The following DAB2IP variants were observed in gnomAD, a reference collection of about 807,000 sequenced individuals.
DAB2IP encodes DAB2 interacting protein.
DAB2IP carries 28 observed loss-of-function variants against 107.2 expected under a neutral mutation model. The ratio of observed to expected loss-of-function variants is 0.26; its 90% CI spans 0.19 to 0.36. The LOEUF is 0.36. DAB2IP is among the 10% of genes least tolerant of loss of function. The probability of loss-of-function intolerance (pLI) is 1.00; values close to 1 mark genes in which losing one functional copy is unlikely to be tolerated. For missense variants in DAB2IP, 1,400 were observed against 1,644.7 expected (o/e 0.85, Z 2.57); for synonymous variants, 755 against 706.4 (o/e 1.07, Z -1.09).
chr9:121,592,678 G>T (rs765229546), intron 1 of DAB2IP, among the ~76,000 whole-genome samples: 12 of 152,314 alleles, frequency 7.9e-5, no homozygotes, highest in Middle Eastern at 3.4e-3. Flanking sequence ...TAAGCAATTT[G>T]CTATCCTGTG....
At position 121,642,613 on chromosome 9, in the gene DAB2IP, A is replaced by G. The variant is rs577718847; in HGVS notation, c.41-36065A>G. On this transcript the variant is annotated intron_variant, in intron 1 of 16. Coordinates refer to the DAB2IP transcript ENST00000259371. Reference sequence around the variant, plus strand: ...GTGCTGGAACCACAGCTTCTTTTCTATTAAAAAAAAAAAAAAAAAAAAGAA... The same window carrying G: ...GTGCTGGAACCACAGCTTCTTTTCTGTTAAAAAAAAAAAAAAAAAAAAGAA... 2.7e-4 allele frequency among the ~76,000 whole-genome samples: 25 copies of G among 93,222 alleles called. No homozygotes were observed. In the East Asian group the frequency reaches 6.4e-3, roughly 24 times the overall value. The allele number at this position is 93,222 out of a possible 152,430, so 61.2% of individuals were successfully genotyped here. A position where few individuals can be genotyped will look rare whatever the true frequency, so the allele number is the denominator to read the frequency against.
At chr9:121,636,602 A>C (rs764080987) in intron 1 of DAB2IP, among the ~76,000 whole-genome samples, 23 of 152,122 alleles carry the variant, frequency 1.5e-4, no homozygotes, top group Non-Finnish European at 2.9e-4. Context: ...GTTTCTCCCA[A>C]GTCTGGGCAG....
In DAB2IP at chr9:121,782,692, T is replaced by A; in HGVS notation, c.*194T>A. The A allele has an allele frequency of 7.0e-7, 1 of 1,421,864 alleles. No individual in the cohort carries two copies. The highest frequency in any genetic ancestry group is 9.2e-7 in the Non-Finnish European group (1 of 1,091,270). 88.1% of individuals were successfully genotyped at this position (1,421,864 alleles called of 1,614,324 possible). On this transcript the variant is annotated 3_prime_UTR_variant, in exon 16 of 16. Coordinates refer to ENST00000408936, the Ensembl canonical transcript of DAB2IP. The surrounding 1 kb of genome is among the most constrained non-coding windows in gnomAD (Gnocchi z 6.1). The stretch of plus-strand genomic sequence containing the variant: ...GAGACTGAAGCAGCGTGAGGCGAGG[T>A]CACCAGCCGCTCCCTGTGGGGTGCG...
At chr9:121,779,724 G>A (rs1405642779) in intron 14 of DAB2IP, among the ~76,000 whole-genome samples, 3 of 152,156 alleles carry the variant, frequency 2.0e-5, no homozygotes, top group Admixed American at 1.3e-4. Context: ...CGATTGTTTC[G>A]TGTTCTCCTT....
chr9:121,725,779 G>A (rs949176443), intron 3 of DAB2IP, among the ~76,000 whole-genome samples: 8 of 152,108 alleles, frequency 5.3e-5, no homozygotes, highest in African/African-American at 1.9e-4. Flanking sequence ...GGCACGGGGC[G>A]GCTATGTGTT....
intron 1 of DAB2IP, among the ~76,000 whole-genome samples, chr9:121,568,525 G>A (rs1829859713): frequency 6.6e-6 from 1 of 152,196 alleles, no homozygotes; most frequent in Admixed American, 6.5e-5. Flanking sequence ...AAAATAGGGA[G>A]AGCAGCCCTT....
At chr9:121,696,012 G>A (rs940330181) in intron 2 of DAB2IP, among the ~76,000 whole-genome samples, 2 of 152,136 alleles carry the variant, frequency 1.3e-5, no homozygotes, top group Non-Finnish European at 2.9e-5. Context: ...GGGATTACAG[G>A]CTCGTGCCAC....
At chr9:121,781,473 C>T (rs771301898) in exon 15 of DAB2IP, 141 of 1,613,800 alleles carry the variant, frequency 8.7e-5, no homozygotes, top group Middle Eastern at 3.3e-4. Flanking sequence ...GGTTGATGTC[C>T]GTGGAGGAAG....
rs1216772102 is a variant in DAB2IP at position 121,763,666 on chromosome 9, C to T, written c.1315+17C>T. 2.5e-6 allele frequency: 4 copies of T among 1,612,102 alleles called. No homozygotes were observed. Among genetic ancestry groups the T allele is most frequent in the Non-Finnish European group, 3.4e-6 (4 of 1,179,044 alleles). On this transcript the variant is annotated intron_variant, in intron 7 of 15. Coordinates refer to ENST00000408936, the Ensembl canonical transcript of DAB2IP. ...ACGCCCTAGGTAGGGAGTGGGCCAG[C>T]AGCAGGGCAGAGGGTGGGGCAGGGC... is the stretch of plus-strand genomic sequence containing the variant.
At position 121,698,630 on chromosome 9, in the gene DAB2IP, C is replaced by T. The variant is rs1829553861; in HGVS notation, c.229-695C>T. Among the ~76,000 whole-genome samples, 1 of 152,192 alleles carries T rather than the reference C, an allele frequency of 6.6e-6. No individual in the cohort carries two copies. Among genetic ancestry groups the T allele is most frequent in the Non-Finnish European group, 1.5e-5 (1 of 68,028 alleles). ...GTTGTCCTTGCTGGGGTACATACAA[C>T]GGTTCCGGGGAGGGGCCCCACCCTG... On this transcript the variant is annotated intron_variant, in intron 2 of 15. Coordinates refer to ENST00000408936, the Ensembl canonical transcript of DAB2IP. The surrounding 1 kb of genome is among the most constrained non-coding windows in gnomAD (Gnocchi z 4.1).
chr9:121,763,603 G>A (rs760308193), exon 7 of DAB2IP: 3 of 1,613,740 alleles, frequency 1.9e-6, no homozygotes, highest in Admixed American at 1.7e-5. Flanking sequence ...AGGCCATTGA[G>A]GAGTACCTCA....
intron 1 of DAB2IP, among the ~76,000 whole-genome samples, chr9:121,582,463 A>T (rs146540749): frequency 1.3e-5 from 2 of 151,614 alleles, no homozygotes; most frequent in East Asian, 3.9e-4. Context: ...CTGTCTCCTC[A>T]CTCCCAACTG....
intron 5 of DAB2IP, among the ~76,000 whole-genome samples, chr9:121,759,566 G>A (rs1364392219): frequency 2.0e-5 from 3 of 152,230 alleles, no homozygotes; most frequent in Non-Finnish European, 2.9e-5. Flanking sequence ...AGCCTGTGAC[G>A]TGTCAGGCGT....
At chr9:121,695,106 T>A (rs1413978988) in intron 2 of DAB2IP, among the ~76,000 whole-genome samples, 3 of 151,914 alleles carry the variant, frequency 2.0e-5, no homozygotes, top group African/African-American at 7.3e-5. Flanking sequence ...ACTTTGGGCA[T>A]CGGGAGTCTC....
At chr9:121,745,630 TGGGGC>T (rs1266977194) in intron 3 of DAB2IP, among the ~76,000 whole-genome samples, 1 of 10,268 alleles carries the variant, frequency 9.7e-5, no homozygotes, top group African/African-American at 4.1e-4. Context: ...TGCCCAGGAT[TGGGGC>T]GGGGCGGGGG....
At chr9:121,571,012 G>T (rs1019092414) in intron 1 of DAB2IP, among the ~76,000 whole-genome samples, 1 of 151,720 alleles carries the variant, frequency 6.6e-6, no homozygotes, top group Admixed American at 6.6e-5. Context: ...TCACTCCCTC[G>T]CTTCCCGCCA....
At chr9:121,623,924 C>T (rs1318784758) in intron 1 of DAB2IP, among the ~76,000 whole-genome samples, 1 of 152,182 alleles carries the variant, frequency 6.6e-6, no homozygotes, top group Non-Finnish European at 1.5e-5. Context: ...GAGTTTACTT[C>T]ACATCTGTAA....
At chr9:121,783,081 C>A (rs1348812206) in exon 16 of DAB2IP, 2 of 1,037,156 alleles carry the variant, frequency 1.9e-6, no homozygotes, top group Admixed American at 5.0e-5. Context: ...CCACTGCATG[C>A]AGCCTGTTGG....
chr9:121,651,945 C>T lies in DAB2IP; in HGVS notation c.124+46C>T, dbSNP rs1172426791. 1.4e-5 allele frequency: 17 copies of T among 1,254,960 alleles called. No homozygotes were observed. The highest frequency in any genetic ancestry group is 1.7e-5 in the Non-Finnish European group (17 of 994,102). The allele number at this position is 1,254,960 out of a possible 1,614,324, so 77.7% of individuals were successfully genotyped here. A position where few individuals can be genotyped will look rare whatever the true frequency, so the allele number is the denominator to read the frequency against. ...TGACCCCTAGACCCTCCTAAGGCCA[C>T]TAAGCCACCTGATGCCCTGGGATGC... On this transcript the variant is annotated intron_variant, in intron 1 of 15. Coordinates refer to ENST00000408936, the Ensembl canonical transcript of DAB2IP. This position sits in a 1 kb window ranked among gnomAD's most constrained non-coding sequence, Gnocchi z 5.1.
Sources: gnomAD v4.1 joint callset for allele counts (sites outside exome capture counted in the v4.1 genomes callset) on GRCh38, gnomAD v4.1.1 for gene constraint, Gnocchi (gnomAD v3.1) non-coding constraint, MANE v1.5 for transcripts, NCBI Gene and HGNC (gene_info 2026-07-23, HGNC 2026-07-21) for gene names.